The following ATP5PF variants were observed in gnomAD, a reference collection of about 807,000 sequenced individuals.
ATP5PF encodes ATP synthase peripheral stalk subunit F6.
ATP5PF carries 7 observed loss-of-function variants against 12.0 expected under a neutral mutation model. The observed-to-expected ratio is 0.58, with a 90% CI of 0.33 to 1.10. ATP5PF has a LOEUF of 1.10. Ranked by LOEUF, ATP5PF falls within the 50% of genes least tolerant of loss-of-function variation. The pLI, the probability that ATP5PF is intolerant of heterozygous loss-of-function variation, is 0.03. For missense variants in ATP5PF, 120 were observed against 127.7 expected, an observed-to-expected ratio of 0.94 and a Z score of 0.29; for synonymous variants, 41 against 45.4, an observed-to-expected ratio of 0.90 and a Z score of 0.39.
chr21:25,735,006 G>T, upstream of ATP5PF: 5 of 1,540,442 alleles, frequency 3.2e-6, no homozygotes, highest in East Asian at 2.4e-5. Context: ...GAAGCGTCTC[G>T]GAGACAGTCT....
chr21:25,733,750 G>A (rs1373844200), intron 1 of ATP5PF, among the ~76,000 whole-genome samples: 1 of 152,162 alleles, frequency 6.6e-6, no homozygotes, highest in Admixed American at 6.5e-5. Context: ...CTCTCAAAGA[G>A]TTAAAGTGTT....
chr21:25,734,949 A>T (rs766297100), upstream of ATP5PF: 9 of 1,575,668 alleles, frequency 5.7e-6, no homozygotes, highest in Non-Finnish European at 7.7e-6. Flanking sequence ...CCGCCATCGC[A>T]ATGCATTATG....
chr21:25,725,036 A>G (rs919249583), intron 3 of ATP5PF, 190 bp downstream of exon 3: 1 of 711,738 alleles, frequency 1.4e-6, no homozygotes, highest in African/African-American at 1.8e-5. Context: ...TTTAATCACT[A>G]TGTTATGTGA....
chr21:25,727,710 A>AATGATG (rs2034654668), intron 2 of ATP5PF, among the ~76,000 whole-genome samples: 1 of 152,238 alleles, frequency 6.6e-6, no homozygotes, highest in African/African-American at 2.4e-5. Context: ...AGACAGTTAA[A>AATGATG]ATGATGCAAA....
rs73338261 is a variant in ATP5PF, at chr21:25,729,703, G to C, written c.92C>G (p.Ala31Gly). The C allele has an allele frequency of 1.7e-3, 2,667 of 1,597,710 alleles. 37 individuals are homozygous for C. In the African/African-American group the frequency reaches 0.032, roughly 19 times the overall value. Residue 31 changes from alanine (A) to glycine (G), a missense_variant, in exon 2 of 4, where the codon GCA (alanine) becomes GGA (glycine). Ala to Gly is a moderately conservative substitution (Grantham distance 60, BLOSUM62 0). Coordinates refer to ENST00000284971, the MANE Select transcript of ATP5PF (RefSeq NM_001003703.2). ...LRRNIGVTAV[A>G]FNKELDPIQK... ...TATAGGATCAAGTTCCTTATTAAAT[G>C]CCACTGCTGTAACACCAATGTTCCT...
chr21:25,734,866 C>T lies in ATP5PF; in HGVS notation c.-21G>A. The stretch of plus-strand genomic sequence containing the variant: ...CCTCCCAGTCACCTTGCACTCAGTC[C>T]CGAGCTGCCAAAGCCTCCGCCGCCA... On this transcript the variant is annotated 5_prime_UTR_variant, in exon 1 of 4. Coordinates refer to ENST00000284971, the MANE Select transcript of ATP5PF (RefSeq NM_001003703.2). 1 of 1,543,942 alleles carries T rather than the reference C, an allele frequency of 6.5e-7. No individual in the cohort carries two copies. Among genetic ancestry groups the T allele is most frequent in the South Asian group, 1.2e-5 (1 of 84,150 alleles).
At chr21:25,735,004 T>C, upstream of ATP5PF, 1 of 1,539,016 alleles carries the variant, frequency 6.5e-7, no homozygotes, top group Non-Finnish European at 8.8e-7. Flanking sequence ...AGGAAGCGTC[T>C]CGGAGACAGT....
rs771654361 is a variant in ATP5PF, at chr21:25,725,269, A to G, written c.246T>C (p.Phe82=). ...GAAATGTATTCATGTCTGCATTACC[A>G]AACATTTGCTTGAGCTTAAAAAGCT... The part of the protein sequence containing the change: ...ERELFKLKQM[F]GNADMNTFPT... Residue 82 remains phenylalanine, a synonymous_variant, in exon 3 of 4, where the codon TTT becomes TTC. Coordinates refer to ENST00000284971, the MANE Select transcript of ATP5PF (RefSeq NM_001003703.2). The G allele has an allele frequency of 1.9e-6, 3 of 1,613,404 alleles. No individual in the cohort carries two copies. Among genetic ancestry groups the G allele is most frequent in the African/African-American group, 1.3e-5 (1 of 74,908 alleles).
upstream of ATP5PF, chr21:25,735,132 G>A (rs537398391): frequency 4.3e-6 from 3 of 690,276 alleles, no homozygotes; most frequent in African/African-American, 3.5e-5. Flanking sequence ...AATTTGACCC[G>A]TTCTTTTTCC....
At chr21:25,733,877 G>A (rs945903739) in intron 1 of ATP5PF, among the ~76,000 whole-genome samples, 14 of 152,140 alleles carry the variant, frequency 9.2e-5, no homozygotes, top group Non-Finnish European at 1.8e-4. Flanking sequence ...CTGCAACACG[G>A]GTAAAATCCA....
chr21:25,734,354 G>C, intron 1 of ATP5PF: 1 of 986,490 alleles, frequency 1.0e-6, no homozygotes, highest in Non-Finnish European at 1.2e-6. Context: ...TAGTAGGTTC[G>C]CTGCCTCTTC....
intron 1 of ATP5PF, among the ~76,000 whole-genome samples, chr21:25,731,925 A>C (rs1026109351): frequency 6.6e-6 from 1 of 152,160 alleles, no homozygotes; most frequent in Non-Finnish European, 1.5e-5. Flanking sequence ...TCTCTAAAAA[A>C]TTAGAGCTTG....
intron 1 of ATP5PF, among the ~76,000 whole-genome samples, chr21:25,732,951 C>T (rs909323890): frequency 3.7e-5 from 5 of 136,672 alleles, no homozygotes; most frequent in Middle Eastern, 4.2e-3. Flanking sequence ...CACTGCACTC[C>T]TCCACCCTGG....
chr21:25,734,977 G>A (rs748989957), upstream of ATP5PF: 8 of 1,562,534 alleles, frequency 5.1e-6, no homozygotes, highest in Non-Finnish European at 6.1e-6. Context: ...GTTTCAGTCG[G>A]TCGACGCTCA....
At chr21:25,734,965 C>A, upstream of ATP5PF, 1 of 1,569,248 alleles carries the variant, frequency 6.4e-7, no homozygotes, top group South Asian at 1.2e-5. Context: ...TTATGGGCCG[C>A]CGTTTCAGTC....
chr21:25,727,310 T>C (rs764668351), intron 2 of ATP5PF, among the ~76,000 whole-genome samples: 8 of 152,214 alleles, frequency 5.3e-5, no homozygotes, highest in Admixed American at 3.3e-4. Context: ...CTCAACTGAA[T>C]GTAAGTCTTG....
chr21:25,735,033 A>G, upstream of ATP5PF: 1 of 1,473,174 alleles, frequency 6.8e-7, no homozygotes, highest in Non-Finnish European at 9.2e-7. Flanking sequence ...GGACGGGTCT[A>G]GGTGAGACAG....
upstream of ATP5PF, chr21:25,735,209 C>T (rs1007924607): frequency 5.1e-6 from 3 of 592,786 alleles, no homozygotes; most frequent in African/African-American, 3.7e-5. Context: ...TCAAGCTCCC[C>T]TCCGAGTCAG....
chr21:25,735,192 C>T (rs1190484062), upstream of ATP5PF: 2 of 599,304 alleles, frequency 3.3e-6, no homozygotes, highest in African/African-American at 1.9e-5. Context: ...GTGGCCTTTC[C>T]CCTAGTTCAA....
Sources: gnomAD v4.1 joint callset for allele counts (sites outside exome capture counted in the v4.1 genomes callset) on GRCh38, gnomAD v4.1.1 for gene constraint, MANE v1.5 for transcripts, NCBI Gene and HGNC (gene_info 2026-07-23, HGNC 2026-07-21) for gene names.